CABIN1: variants seen among roughly 807,000 people sequenced by gnomAD.
The protein encoded by CABIN1 is calcineurin binding protein 1, also known as calcineurin-binding protein cabin-1.
In CABIN1, 133 loss-of-function variants were observed where a neutral mutation model predicts 227.7. The observed-to-expected ratio is 0.58, with a 90% CI of 0.51 to 0.67. The LOEUF (loss-of-function observed/expected upper bound fraction) is 0.67. Among genes scored for constraint, CABIN1 ranks in the 30% least tolerant of loss-of-function variants. CABIN1 has a pLI of 0.00. For synonymous variants in CABIN1, 1,086 were observed against 1,155.1 expected (o/e 0.94, Z 1.21); for missense variants, 2,408 against 2,852.5 (o/e 0.84, Z 3.55).
intron 1 of CABIN1, among the ~76,000 whole-genome samples, chr22:24,022,118 AT>A (rs1405258609): frequency 2.0e-5 from 3 of 151,996 alleles, no homozygotes; most frequent in African/African-American, 7.2e-5. Flanking sequence ...TTTTATTAGA[AT>A]TTTTTTATAC....
At chr22:24,094,406 G>C (rs1452160432) in intron 24 of CABIN1, among the ~76,000 whole-genome samples, 2 of 152,218 alleles carry the variant, frequency 1.3e-5, no homozygotes, top group African/African-American at 4.8e-5. Context: ...CCAGCACACA[G>C]TGCTGGCTCC....
chr22:24,019,070 C>T (rs1360425332), intron 1 of CABIN1, among the ~76,000 whole-genome samples: 1 of 143,986 alleles, frequency 6.9e-6, no homozygotes, highest in Admixed American at 6.9e-5. Flanking sequence ...TATATGAAGG[C>T]TATTGATTTT....
chr22:24,050,902 A>C lies in CABIN1; in HGVS notation c.734A>C (p.Lys245Thr), dbSNP rs1438778999. ...GTAGATGAGGCCTTGGGGCTGCGAA[A>C]AAAGAGGCAAGCGCTGATTGTGCGG... The part of the protein sequence containing the change: ...AIVDEALGLR[K>T]KRQALIVREK... The change falls in exon 8 of 37, where the codon AAA becomes ACA. Residue 245 changes from lysine (K) to threonine (T), a missense_variant. Physicochemically the swap from Lys to Thr is moderately conservative, Grantham distance 78. Coordinates refer to ENST00000263119, the MANE Select transcript of CABIN1 (RefSeq NM_012295.4). 1.2e-6 allele frequency: 2 copies of C among 1,614,112 alleles called. No individual in the cohort carries two copies. Among genetic ancestry groups the C allele is most frequent in the African/African-American group, 1.3e-5 (1 of 74,940 alleles).
In CABIN1 at chr22:24,064,023, C is replaced by A. The variant is rs747531210; in HGVS notation, c.1885-12C>A. The stretch of plus-strand genomic sequence containing the variant: ...CTGCTTTGGTTCCCTGACCTGTTTT[C>A]CGTCTAACCAGGGAGACATGGAGCA... On this transcript the variant is annotated splice_polypyrimidine_tract_variant and intron_variant, in intron 14 of 36. Transcript: ENST00000263119. 2.5e-6 allele frequency: 4 copies of A among 1,614,090 alleles called. No individual in the cohort carries two copies. The highest frequency in any genetic ancestry group is 2.2e-5 in the East Asian group (1 of 44,884).
chr22:24,090,869 C>G (rs1292622284), intron 23 of CABIN1, among the ~76,000 whole-genome samples: 2 of 152,148 alleles, frequency 1.3e-5, no homozygotes, highest in Non-Finnish European at 2.9e-5. Context: ...CTTGCACATG[C>G]AGGCTTCTCT....
chr22:24,096,185 CAGTAAACTAGAACTCATGG>C (rs1330912053), intron 25 of CABIN1, 103 bp downstream of exon 25: 1 of 1,346,834 alleles, frequency 7.4e-7, no homozygotes, highest in Non-Finnish European at 1.1e-6. Flanking sequence ...ACACAGTAAA[CAGTAAACTAGAACTCATGG>C]AGTCCCTAGG....
chr22:24,167,721 A>T (rs529355622), intron 32 of CABIN1, among the ~76,000 whole-genome samples: 1 of 152,028 alleles, frequency 6.6e-6, no homozygotes, highest in South Asian at 2.1e-4. Flanking sequence ...CTTTTTCTCC[A>T]TTTAAAATTA....
chr22:24,073,221 G>A (rs2040215885), intron 18 of CABIN1, among the ~76,000 whole-genome samples: 1 of 152,102 alleles, frequency 6.6e-6, no homozygotes, highest in Admixed American at 6.5e-5. Context: ...AGCAAAGATT[G>A]CCTGTAATCT....
At position 24,063,082 on chromosome 22, in the gene CABIN1, A is replaced by T; in HGVS notation, c.1820A>T (p.Glu607Val). ...GCCTCGTCCCAGCGCGACCTGTTCGAGGATGGTTGGCTGGAGTTTGTGGTC... is the reference window on the plus strand; with the variant it reads ...GCCTCGTCCCAGCGCGACCTGTTCGTGGATGGTTGGCTGGAGTTTGTGGTC... ...SFASSQRDLF[E>V]DGWLEFVVRV... Residue 607 changes from glutamate to valine, a missense_variant, in exon 14 of 37, where the codon GAG becomes GTG. Coordinates refer to ENST00000263119, the MANE Select transcript of CABIN1 (RefSeq NM_012295.4). 5 of 1,614,146 alleles carry T rather than the reference A, an allele frequency of 3.1e-6. No individual in the cohort carries two copies. Among genetic ancestry groups the T allele is most frequent in the South Asian group, 1.1e-5 (1 of 91,086 alleles).
chr22:24,066,253 G>T (rs2146584745), intron 15 of CABIN1, among the ~76,000 whole-genome samples: 1 of 152,290 alleles, frequency 6.6e-6, no homozygotes, highest in African/African-American at 2.4e-5. Flanking sequence ...GTGGAAAGCA[G>T]GTGTGGGAGC....
In CABIN1 at chr22:24,113,577, G is replaced by T; in HGVS notation, c.4129G>T (p.Asp1377Tyr). The T allele has an allele frequency of 6.2e-7, 1 of 1,614,082 alleles. No homozygotes were observed. Among genetic ancestry groups the T allele is most frequent in the Non-Finnish European group, 8.5e-7 (1 of 1,180,016 alleles). ...CCTTCTCCCCTCAGACCGAAGCCAG[G>T]ACAGCACAGCCGTAGCACTCTCAGA... ...QQATPDDRSQ[D>Y]STAVALSDSS... Residue 1377 changes from aspartate to tyrosine, a missense_variant, in exon 27 of 37, where the codon GAC (aspartate) becomes TAC (tyrosine). This residue lies in a region of CABIN1 where 649 missense variants were observed against 910.3 expected (regional missense o/e 0.71). Coordinates refer to ENST00000263119, the MANE Select transcript of CABIN1 (RefSeq NM_012295.4).
chr22:24,155,726 A>C, intron 29 of CABIN1: 1 of 322,450 alleles, frequency 3.1e-6, no homozygotes, highest in Non-Finnish European at 5.7e-6. Context: ...CAGAGGGGGG[A>C]TATAACCCTC....
rs779825661 is a variant in CABIN1, at chr22:24,070,829, G to T, written c.2262G>T (p.Arg754=). Residue 754 remains arginine (R), a synonymous_variant, in exon 17 of 37, where the codon CGG becomes CGT. Transcript: ENST00000263119. ...CCTTGCTCCGGCTGAAGGACTATCG[G>T]CAGTGTTTTGAGTGTTCCGATGTGG... ...QDSLLRLKDY[R]QCFECSDVAL... is the part of the protein sequence containing the mutation. 1.2e-6 allele frequency: 2 copies of T among 1,614,216 alleles called. No homozygotes were observed. Among genetic ancestry groups the T allele is most frequent in the South Asian group, 2.2e-5 (2 of 91,086 alleles).
intron 1 of CABIN1, among the ~76,000 whole-genome samples, chr22:24,016,144 T>TACTTCCC (rs770036459): frequency 6.6e-6 from 1 of 152,240 alleles, no homozygotes; most frequent in Non-Finnish European, 1.5e-5. Flanking sequence ...AATTAGCAGT[T>TACTTCCC]ACTTCCCATC....
chr22:24,094,558 C>T (rs2041758686), intron 24 of CABIN1, among the ~76,000 whole-genome samples: 1 of 152,112 alleles, frequency 6.6e-6, no homozygotes, highest in Non-Finnish European at 1.5e-5. Context: ...TGGCTCACGC[C>T]TGTAATTCCA....
chr22:24,143,295 G>A (rs970941780), intron 29 of CABIN1, among the ~76,000 whole-genome samples: 2 of 152,174 alleles, frequency 1.3e-5, no homozygotes, highest in African/African-American at 4.8e-5. Context: ...GGGGAGGATG[G>A]AATTAGGTAG....
intron 28 of CABIN1, among the ~76,000 whole-genome samples, chr22:24,133,068 C>T (rs1387125295): frequency 6.6e-6 from 1 of 152,236 alleles, no homozygotes; most frequent in African/African-American, 2.4e-5. Context: ...GTTGTTCCCT[C>T]CTCTGCCTGT....
intron 24 of CABIN1, among the ~76,000 whole-genome samples, chr22:24,094,999 T>A (rs1030497140): frequency 6.6e-5 from 10 of 152,204 alleles, no homozygotes; most frequent in African/African-American, 2.2e-4. Flanking sequence ...GCCACCTGAT[T>A]GTGCATGGGT....
At chr22:24,141,864 T>C (rs1418964165) in intron 29 of CABIN1, among the ~76,000 whole-genome samples, 1 of 152,204 alleles carries the variant, frequency 6.6e-6, no homozygotes, top group Non-Finnish European at 1.5e-5. Flanking sequence ...CTTTGTTTCT[T>C]GAAAACATTT....
Sources: gnomAD v4.1 joint callset for allele counts (sites outside exome capture counted in the v4.1 genomes callset) on GRCh38, gnomAD v4.1.1 for gene constraint, gnomAD v4.1.1 regional missense constraint, MANE v1.5 for transcripts, NCBI Gene and HGNC (gene_info 2026-07-23, HGNC 2026-07-21) for gene names.